STEEP1: variants seen among roughly 807,000 people sequenced by gnomAD.
The protein encoded by STEEP1 is STING1 ER exit protein 1.
A neutral mutation model predicts 19.2 loss-of-function variants in STEEP1; 3 were observed. The observed-to-expected ratio is 0.16, with a 90% confidence interval of 0.07 to 0.40. The LOEUF is 0.40. Among genes scored for constraint, STEEP1 ranks in the 10% least tolerant of loss-of-function variants. STEEP1 has a pLI of 0.99. For synonymous variants in STEEP1, 46 were observed against 63.7 expected, an observed-to-expected ratio of 0.72 and a Z score of 1.32; for missense variants, 54 against 177.1, an observed-to-expected ratio of 0.30 and a Z score of 3.94.
chrX:119,565,356 G>C lies in STEEP1; in HGVS notation c.-1C>G. The C allele has an allele frequency of 8.4e-7, 1 of 1,187,020 alleles. No individual in the cohort carries two copies. Among genetic ancestry groups the C allele is most frequent in the Non-Finnish European group, 1.1e-6 (1 of 876,835 alleles). On this transcript the variant is annotated 5_prime_UTR_variant, in exon 1 of 7. In the 5' UTR this introduces an upstream ATG that the reference lacks. Coordinates refer to ENST00000644802, the MANE Select transcript of STEEP1 (RefSeq NM_022101.4). ...CTGACCGAGACACTACTTTCGGCAT[G>C]ATTCCCAAGAGCAATCTGAAAACTC...
intron 2 of STEEP1, among the ~76,000 whole-genome samples, chrX:119,552,182 C>T (rs750267750): frequency 5.4e-5 from 6 of 111,590 alleles, no homozygotes; most frequent in South Asian, 3.7e-4. Context: ...CATAAGCCAC[C>T]GCACCTGGCT....
At chrX:119,546,864 C>T (rs901752950) in intron 2 of STEEP1, among the ~76,000 whole-genome samples, 1 of 111,887 alleles carries the variant, frequency 8.9e-6, no homozygotes, top group Admixed American at 9.7e-5. Flanking sequence ...ATTATCAACT[C>T]CCTGGACGAC....
At chrX:119,547,185 A>AAT (rs201502127) in intron 2 of STEEP1, among the ~76,000 whole-genome samples, 5,076 of 111,056 alleles carry the variant, frequency 0.046, 101 homozygotes, top group South Asian at 0.088. Context: ...AACTTGGTTA[A>AAT]ATATATATAT....
At chrX:119,550,415 T>C (rs905448402) in intron 2 of STEEP1, among the ~76,000 whole-genome samples, 1 of 111,218 alleles carries the variant, frequency 9.0e-6, no homozygotes, top group Non-Finnish European at 1.9e-5. Flanking sequence ...CCCATACATA[T>C]ATGGTTAACT....
intron 2 of STEEP1, among the ~76,000 whole-genome samples, chrX:119,547,359 T>C (rs1296042657): frequency 2.7e-5 from 3 of 112,107 alleles, no homozygotes; most frequent in African/African-American, 9.7e-5. Flanking sequence ...TCTATAGAAG[T>C]TGAACCAATT....
intron 2 of STEEP1, among the ~76,000 whole-genome samples, chrX:119,551,948 T>C (rs1321505824): frequency 9.4e-6 from 1 of 106,939 alleles, no homozygotes; most frequent in Non-Finnish European, 1.9e-5. Context: ...GTGACCCAGA[T>C]TGGAGTGCAG....
chrX:119,556,596 AAAAGAGTGTCAGAGT>A (rs936450647), intron 2 of STEEP1, among the ~76,000 whole-genome samples: 2 of 109,276 alleles, frequency 1.8e-5, no homozygotes, highest in African/African-American at 6.7e-5. Context: ...AAAAAAAAAA[AAAAGAGTGTCAGAGT>A]GGTGCTGAGC....
chrX:119,554,474 G>A (rs1260060239), intron 2 of STEEP1, among the ~76,000 whole-genome samples: 1 of 111,168 alleles, frequency 9.0e-6, no homozygotes, highest in Non-Finnish European at 1.9e-5. Context: ...TCTGGCTGTG[G>A]TAGCTAGCCT....
chrX:119,548,532 CAAAAAAAAAAAAA>C (rs59210283), intron 2 of STEEP1, among the ~76,000 whole-genome samples: 1 of 48,006 alleles, frequency 2.1e-5, no homozygotes, highest in African/African-American at 8.8e-5. Context: ...GACTCTGTCT[CAAAAAAAAAAAAA>C]AAAAAAAAAA....
chrX:119,558,057 C>G (rs755870516), intron 2 of STEEP1, among the ~76,000 whole-genome samples: 1 of 110,431 alleles, frequency 9.1e-6, no homozygotes, highest in South Asian at 3.9e-4. Flanking sequence ...CAGGCACACG[C>G]GCCACCATGC....
At chrX:119,543,914 A>T (rs1304442461) in intron 4 of STEEP1, among the ~76,000 whole-genome samples, 3 of 112,659 alleles carry the variant, frequency 2.7e-5, no homozygotes, top group Non-Finnish European at 5.6e-5. Context: ...AAACCATACA[A>T]TTTCTAACCT....
intron 2 of STEEP1, among the ~76,000 whole-genome samples, chrX:119,557,155 CAAAAA>C (rs61087266): frequency 8.4e-5 from 4 of 47,778 alleles, no homozygotes; most frequent in Non-Finnish European, 1.5e-4. Context: ...GACTCTATCT[CAAAAA>C]AAAAAAAAAA....
rs140990867 is a variant in STEEP1, at chrX:119,559,015, G to C, written c.242+1253C>G. Among the ~76,000 whole-genome samples the C allele has an allele frequency of 6.9e-3, 759 of 110,293 alleles. 4 individuals are homozygous for C. The highest frequency in any genetic ancestry group is 7.2e-3 in the Non-Finnish European group (382 of 52,879). On this transcript the variant is annotated intron_variant, in intron 2 of 6. Transcript: ENST00000644802. ...GTGGATCGCCTGAGGCCAGAAGTTCGAGACCAGCCTGGCCAACATAGTGAA... is the reference window on the plus strand; with the variant it reads ...GTGGATCGCCTGAGGCCAGAAGTTCCAGACCAGCCTGGCCAACATAGTGAA...
intron 3 of STEEP1, among the ~76,000 whole-genome samples, 175 bp from the exon 4 acceptor site, chrX:119,544,666 C>T (rs2053188746): frequency 8.9e-6 from 1 of 112,400 alleles, no homozygotes; most frequent in Non-Finnish European, 1.9e-5. Flanking sequence ...TTAGGCCGGG[C>T]GTGGTGGCTC....
At position 119,544,510 on chromosome X, in the gene STEEP1, T is replaced by C. The variant is rs1350762117; in HGVS notation, c.285-19A>G. The stretch of plus-strand genomic sequence containing the variant: ...TCCACACCTGCAATGACACAGTGAA[T>C]TTCTGCGAGGTCTCATAATCCAAAT... On this transcript the variant is annotated intron_variant, in intron 3 of 6. Transcript: ENST00000644802. 8.3e-7 allele frequency: 1 copy of C among 1,201,547 alleles called. No individual in the cohort carries two copies. Among genetic ancestry groups the C allele is most frequent in the Non-Finnish European group, 1.1e-6 (1 of 889,557 alleles).
At chrX:119,563,403 C>G (rs1004136236) in intron 1 of STEEP1, among the ~76,000 whole-genome samples, 16 of 110,594 alleles carry the variant, frequency 1.4e-4, no homozygotes, top group African/African-American at 4.9e-4. Flanking sequence ...ACAAAATTAG[C>G]CGGGCGTGGT....
chrX:119,563,548 CA>C (rs1311107554), intron 1 of STEEP1, among the ~76,000 whole-genome samples: 11 of 55,115 alleles, frequency 2.0e-4, no homozygotes, highest in South Asian at 1.0e-3. Flanking sequence ...AACTCCATCT[CA>C]AAAAAAAAAA....
At chrX:119,558,120 C>A (rs747711330) in intron 2 of STEEP1, among the ~76,000 whole-genome samples, 1 of 110,768 alleles carries the variant, frequency 9.0e-6, no homozygotes, top group East Asian at 2.9e-4. Flanking sequence ...CGTTGGCCAG[C>A]CTGGTCTCGA....
At chrX:119,551,812 G>A (rs1038318150) in intron 2 of STEEP1, among the ~76,000 whole-genome samples, 3 of 110,446 alleles carry the variant, frequency 2.7e-5, no homozygotes, top group Non-Finnish European at 3.8e-5. Flanking sequence ...TGTCTACTCG[G>A]ACACAGCGTC....
Sources: allele counts gnomAD v4.1 joint callset (sites outside exome capture counted in the v4.1 genomes callset), GRCh38; gene constraint gnomAD v4.1.1; transcripts MANE v1.5; gene names NCBI Gene and HGNC (gene_info 2026-07-23, HGNC 2026-07-21).